Variants in CALN1 observed in about 807,000 individuals in gnomAD.
CALN1 encodes calneuron 1.
Under a neutral mutation model 30.6 loss-of-function variants are expected in CALN1, and 17 were observed. That is an observed-to-expected ratio of 0.56 (90% CI 0.38 to 0.83). The LOEUF (loss-of-function observed/expected upper bound fraction) is 0.83. CALN1 is among the 40% of genes least tolerant of loss of function. CALN1 has a pLI of 0.00. For missense variants in CALN1, 291 were observed against 354.9 expected (o/e 0.82, Z 1.45); for synonymous variants, 156 against 131.4 (o/e 1.19, Z -1.28).
At chr7:72,221,665 G>A (rs551730632) in intron 3 of CALN1, among the ~76,000 whole-genome samples, 50 of 152,206 alleles carry the variant, frequency 3.3e-4, no homozygotes, top group East Asian at 5.8e-4. Context: ...CGAGGAGAGC[G>A]GATCACCTGA....
chr7:72,303,722 G>A (rs1314170034), intron 2 of CALN1, among the ~76,000 whole-genome samples: 4 of 151,838 alleles, frequency 2.6e-5, no homozygotes, highest in Non-Finnish European at 4.4e-5. Flanking sequence ...AAATGTTACA[G>A]CACTAGGTGG....
At chr7:72,220,364 C>T (rs1485049419) in intron 3 of CALN1, among the ~76,000 whole-genome samples, 3 of 151,994 alleles carry the variant, frequency 2.0e-5, no homozygotes, top group African/African-American at 7.3e-5. Flanking sequence ...CTACAAAGGA[C>T]ACGAACTCAT....
At chr7:71,965,523 A>G (rs1797488423) in intron 5 of CALN1, among the ~76,000 whole-genome samples, 1 of 152,198 alleles carries the variant, frequency 6.6e-6, no homozygotes, top group East Asian at 1.9e-4. Flanking sequence ...TATCTCATTC[A>G]TTCTACAAAG....
At chr7:72,136,136 A>AAAATAAATAAATAAATAAAT (rs138109942) in intron 3 of CALN1, among the ~76,000 whole-genome samples, 18,149 of 140,610 alleles carry the variant, frequency 0.13, 1,433 homozygotes, top group African/African-American at 0.19. Flanking sequence ...CTCTGTCTCA[A>AAAATAAATAAATAAATAAAT]AAATAAATAA....
intron 3 of CALN1, among the ~76,000 whole-genome samples, chr7:72,186,885 CTTTTTTTTTTTTT>C (rs34604151): frequency 1.6e-5 from 1 of 61,296 alleles, no homozygotes; most frequent in African/African-American, 6.0e-5. Context: ...GAGTGCAGAG[CTTTTTTTTTTTTT>C]TTTTTTTTTT....
At chr7:72,278,616 G>A (rs571777059) in intron 3 of CALN1, 70 bp downstream of exon 3, 4 of 1,579,698 alleles carry the variant, frequency 2.5e-6, no homozygotes, top group African/African-American at 2.7e-5. Flanking sequence ...GCTTTCAATT[G>A]AGCTTCACAA....
At chr7:71,863,413 C>T (rs1791406991) in intron 5 of CALN1, among the ~76,000 whole-genome samples, 1 of 151,692 alleles carries the variant, frequency 6.6e-6, no homozygotes, top group Non-Finnish European at 1.5e-5. Context: ...CAAAAATTAG[C>T]AGGGCGTGGT....
intron 2 of CALN1, among the ~76,000 whole-genome samples, chr7:72,285,494 C>T (rs769406968): frequency 6.6e-5 from 10 of 152,122 alleles, no homozygotes; most frequent in Non-Finnish European, 1.2e-4. Flanking sequence ...CTGCCCGCCT[C>T]GGCCTCCCAA....
Position 72,305,492 on chromosome 7 carries a change from A to C in CALN1, c.120-26682T>G, listed in dbSNP as rs73361167. On this transcript the variant is annotated intron_variant, in intron 2 of 6. Coordinates refer to ENST00000395275, the MANE Select transcript of CALN1 (RefSeq NM_031468.4). ...CACGTAAAGTGGTCCTGCTAAGTCC[A>C]CCATACACTTCTAGCTGCTCAGACA... Among the ~76,000 whole-genome samples the C allele has an allele frequency of 6.8e-3, 1,042 of 152,282 alleles. 9 individuals are homozygous for C. The highest frequency in any genetic ancestry group is 0.023 in the African/African-American group (938 of 41,562).
At chr7:71,921,239 T>C (rs1794930101) in intron 5 of CALN1, among the ~76,000 whole-genome samples, 1 of 152,080 alleles carries the variant, frequency 6.6e-6, no homozygotes, top group South Asian at 2.1e-4. Flanking sequence ...AGGGAGAGCA[T>C]TAGGAGAAAT....
At chr7:72,145,927 C>T (rs1341676316) in intron 3 of CALN1, among the ~76,000 whole-genome samples, 7 of 152,310 alleles carry the variant, frequency 4.6e-5, no homozygotes, top group South Asian at 2.1e-4. Context: ...AACAGCCCTT[C>T]GTGCTAAAAA....
chr7:72,074,984 AT>A (rs1265252343), intron 4 of CALN1, among the ~76,000 whole-genome samples: 1 of 152,224 alleles, frequency 6.6e-6, no homozygotes, highest in African/African-American at 2.4e-5. Flanking sequence ...GAATGGAAGC[AT>A]TACTTCTAGC....
chr7:71,953,354 G>C (rs1796792428), intron 5 of CALN1, among the ~76,000 whole-genome samples: 1 of 152,024 alleles, frequency 6.6e-6, no homozygotes, highest in Non-Finnish European at 1.5e-5. Flanking sequence ...CTTGTTCCCT[G>C]CACTATTTAA....
the CALN1 span, among the ~76,000 whole-genome samples, chr7:72,475,941 C>CTTT: frequency 2.6e-3 from 197 of 75,884 alleles, 1 homozygote; most frequent in Non-Finnish European, 3.2e-3. Context: ...CTCTCTCTCT[C>CTTT]TTTTTTTTTT....
intron 5 of CALN1, among the ~76,000 whole-genome samples, chr7:71,954,570 C>T (rs543807174): frequency 1.2e-4 from 19 of 152,250 alleles, no homozygotes; most frequent in East Asian, 5.8e-4. Context: ...GAGGACTGCA[C>T]GAGCCTGGGA....
intron 2 of CALN1, among the ~76,000 whole-genome samples, chr7:72,375,274 G>C (rs4413668): frequency 0.38 from 57,981 of 151,920 alleles, 11,727 homozygotes; most frequent in Admixed American, 0.46. Flanking sequence ...CCAGAAAAAA[G>C]AATCTGCTTT....
chr7:72,033,821 A>T (rs2129532479), intron 4 of CALN1, among the ~76,000 whole-genome samples: 1 of 152,294 alleles, frequency 6.6e-6, no homozygotes, highest in African/African-American at 2.4e-5. Flanking sequence ...CTCACCAAAG[A>T]TCAATCTGGG....
chr7:71,875,386 A>T (rs1360326969), intron 5 of CALN1, among the ~76,000 whole-genome samples: 1 of 152,180 alleles, frequency 6.6e-6, no homozygotes, highest in Non-Finnish European at 1.5e-5. Context: ...CAGGAACTGC[A>T]GTCCAGGAAA....
chr7:72,331,726 T>G (rs188168389), intron 2 of CALN1, among the ~76,000 whole-genome samples: 1 of 152,194 alleles, frequency 6.6e-6, no homozygotes, highest in Non-Finnish European at 1.5e-5. Flanking sequence ...CAGAGGTACA[T>G]GTGCAGGATG....
Sources: allele counts gnomAD v4.1 joint callset (sites outside exome capture counted in the v4.1 genomes callset), GRCh38; gene constraint gnomAD v4.1.1; transcripts MANE v1.5; gene names NCBI Gene and HGNC (gene_info 2026-07-23, HGNC 2026-07-21).